Variants in INCENP observed in about 807,000 individuals in gnomAD.
INCENP encodes binds and activates aurora-B and -C in vivo and in vitro.
In INCENP, 43 loss-of-function variants were observed where a neutral mutation model predicts 107.3. That is an observed-to-expected ratio of 0.40 (90% CI 0.31 to 0.52). The LOEUF is 0.52. INCENP is among the 20% of genes least tolerant of loss of function. The pLI, the probability that INCENP is intolerant of heterozygous loss-of-function variation, is 0.53. For synonymous variants in INCENP, 488 were observed against 494.4 expected, an observed-to-expected ratio of 0.99 and a Z score of 0.17; for missense variants, 1,089 against 1,250.9, an observed-to-expected ratio of 0.87 and a Z score of 1.95.
rs1944055906 is a variant in INCENP at position 62,139,073 on chromosome 11, CCTT to C, written c.1291+71_1291+73del. ...GCGGGCCTTGGCGGCCTCGGCCTGA[CCTT>C]CTCTCTGGGGATAAGGAAGCCCCAT... On this transcript the variant is annotated intron_variant, in intron 7 of 18. Coordinates refer to ENST00000394818, the MANE Select transcript of INCENP (RefSeq NM_001040694.2). 4.6e-6 allele frequency: 5 copies of C among 1,095,454 alleles called. No homozygotes were observed. In the South Asian group the frequency reaches 5.0e-5, roughly 11 times the overall value. 67.9% of individuals were successfully genotyped at this position (1,095,454 alleles called of 1,614,324 possible).
At position 62,140,822 on chromosome 11, in the gene INCENP, G is replaced by A. The variant is rs913650066; in HGVS notation, c.1461+1G>A. The A allele has an allele frequency of 3.7e-6, 6 of 1,613,584 alleles. No individual in the cohort carries two copies. The highest frequency in any genetic ancestry group is 1.3e-5 in the African/African-American group (1 of 75,032). ...TTCCTCACCCTGCCCAGCCAGCAAG[G>A]TGAGCCAGGCACCTGCCCTCTCCTG... On this transcript the variant is annotated splice_donor_variant, in intron 9 of 18. Coordinates refer to ENST00000394818, the MANE Select transcript of INCENP (RefSeq NM_001040694.2). LOFTEE classifies it high-confidence loss of function.
Position 62,146,840 on chromosome 11 carries a change from G to A in INCENP, c.2142G>A (p.Glu714=), listed in dbSNP as rs1420741252. Residue 714 remains glutamate (E), a synonymous_variant, in exon 15 of 19, where the codon GAG becomes GAA. Coordinates refer to ENST00000394818, the MANE Select transcript of INCENP (RefSeq NM_001040694.2). ...AGCGGCGGGAGCAGGAGCGGCGCGA[G>A]CAGGAGCGACAGCTGGCAGAGCAGG... is the stretch of plus-strand genomic sequence containing the variant. ...EQERREQERR[E]QERQLAEQER... 1 of 1,561,934 alleles carries A rather than the reference G, an allele frequency of 6.4e-7. No individual in the cohort carries two copies. Among genetic ancestry groups the A allele is most frequent in the South Asian group, 1.2e-5 (1 of 86,094 alleles).
At chr11:62,126,136 G>T (rs1398146733) in intron 1 of INCENP, among the ~76,000 whole-genome samples, 1 of 152,094 alleles carries the variant, frequency 6.6e-6, no homozygotes, top group African/African-American at 2.4e-5. Flanking sequence ...GGGATCAAGG[G>T]GTCAGCAATT....
intron 15 of INCENP, among the ~76,000 whole-genome samples, chr11:62,147,827 T>C (rs995229840): frequency 3.9e-5 from 6 of 152,120 alleles, no homozygotes; most frequent in African/African-American, 1.4e-4. Flanking sequence ...GTGTAGCTAA[T>C]GTGCAGGGTG....
chr11:62,127,192 A>G (rs1158634824), intron 1 of INCENP, among the ~76,000 whole-genome samples: 1 of 152,054 alleles, frequency 6.6e-6, no homozygotes, highest in Non-Finnish European at 1.5e-5. Context: ...GCACACCACC[A>G]TGACCAGCTA....
chr11:62,131,751 G>A (rs888221460), intron 4 of INCENP, among the ~76,000 whole-genome samples: 3 of 151,956 alleles, frequency 2.0e-5, no homozygotes, highest in Admixed American at 1.3e-4. Context: ...GCAAAGCAGC[G>A]GATTGGTGGC....
At position 62,130,607 on chromosome 11, in the gene INCENP, G is replaced by T. The variant is rs773493967; in HGVS notation, c.1063+17G>T. 6.3e-7 allele frequency: 1 copy of T among 1,596,856 alleles called. No individual in the cohort carries two copies. Among genetic ancestry groups the T allele is most frequent in the Non-Finnish European group, 8.5e-7 (1 of 1,171,058 alleles). Reference sequence around the variant, plus strand: ...GCATCATCTGTGAGTCTGGGGGCTTGGCAGTGGCGGGTGGTCCTTGGTGCC... The same window carrying T: ...GCATCATCTGTGAGTCTGGGGGCTTTGCAGTGGCGGGTGGTCCTTGGTGCC... On this transcript the variant is annotated intron_variant, in intron 4 of 18. Transcript: ENST00000394818.
At position 62,130,137 on chromosome 11, in the gene INCENP, A is replaced by C; in HGVS notation, c.610A>C (p.Thr204Pro). ...RTLSPTPASA[T>P]APTSQGIPTS... ...TCTGTCCCCGACTCCAGCTTCAGCC[A>C]CAGCTCCAACCTCCCAGGGCATCCC... The change falls in exon 4 of 19, where the codon ACA (threonine) becomes CCA (proline). Residue 204 changes from threonine to proline, a missense_variant. Transcript: ENST00000394818. 1.2e-6 allele frequency: 2 copies of C among 1,613,796 alleles called. No homozygotes were observed. Among genetic ancestry groups the C allele is most frequent in the Non-Finnish European group, 1.7e-6 (2 of 1,180,016 alleles).
At chr11:62,126,180 G>A (rs1943743582) in intron 1 of INCENP, among the ~76,000 whole-genome samples, 1 of 145,528 alleles carries the variant, frequency 6.9e-6, no homozygotes, top group African/African-American at 2.5e-5. Context: ...CATTGTAGGT[G>A]GGAGGCTGAG....
chr11:62,148,248 G>A (rs1440146359), intron 15 of INCENP, among the ~76,000 whole-genome samples: 2 of 152,206 alleles, frequency 1.3e-5, no homozygotes, highest in Non-Finnish European at 2.9e-5. Flanking sequence ...AGGAAAAGTG[G>A]GGGCCAAATG....
At chr11:62,141,827 C>A in intron 11 of INCENP, 2 of 503,138 alleles carry the variant, frequency 4.0e-6, no homozygotes, top group South Asian at 4.4e-5. Flanking sequence ...CTGCACCAGG[C>A]CCCGTCAGGG....
Position 62,126,777 on chromosome 11 carries a change from A to G in INCENP, c.-11-1374A>G, listed in dbSNP as rs112719951. ...TAGTATTTGCATATAACCTACACACATCCTCCTGTATACTTTATATCTCTA... is the reference window on the plus strand; with the variant it reads ...TAGTATTTGCATATAACCTACACACGTCCTCCTGTATACTTTATATCTCTA... On this transcript the variant is annotated intron_variant, in intron 1 of 18. Coordinates refer to ENST00000394818, the MANE Select transcript of INCENP (RefSeq NM_001040694.2). 2.5e-3 allele frequency among the ~76,000 whole-genome samples: 377 copies of G among 151,978 alleles called. 1 individual carries two copies. The highest frequency in any genetic ancestry group is 8.8e-3 in the African/African-American group (363 of 41,398).
At chr11:62,150,531 C>G (rs1321974058) in intron 18 of INCENP, among the ~76,000 whole-genome samples, 1 of 152,204 alleles carries the variant, frequency 6.6e-6, no homozygotes, top group Non-Finnish European at 1.5e-5. Context: ...TCCCATCCAG[C>G]AGGGCTGAAG....
At chr11:62,133,769 GGTC>G (rs1943937109) in intron 4 of INCENP, among the ~76,000 whole-genome samples, 1 of 152,070 alleles carries the variant, frequency 6.6e-6, no homozygotes, top group South Asian at 2.1e-4. Flanking sequence ...CTTAAATGGG[GGTC>G]ATCACCACCC....
chr11:62,140,149 C>T (rs1263879137), intron 7 of INCENP, 85 bp from the exon 8 acceptor site: 54 of 1,194,416 alleles, frequency 4.5e-5, no homozygotes, highest in Admixed American at 3.3e-4. Flanking sequence ...GGCTGCTGCC[C>T]AAGGACCCCT....
intron 4 of INCENP, among the ~76,000 whole-genome samples, chr11:62,132,919 A>G (rs1169127999): frequency 6.6e-6 from 1 of 152,218 alleles, no homozygotes; most frequent in African/African-American, 2.4e-5. Flanking sequence ...TGAAATGGTG[A>G]TAACACTTGC....
chr11:62,129,236 C>A (rs757570722), intron 3 of INCENP, among the ~76,000 whole-genome samples: 2 of 152,012 alleles, frequency 1.3e-5, no homozygotes, highest in Non-Finnish European at 2.9e-5. Flanking sequence ...TTGTCCCAGC[C>A]GTCATATTGT....
chr11:62,140,165 CT>C, intron 7 of INCENP, 68 bp from the exon 8 acceptor site: 5 of 1,417,920 alleles, frequency 3.5e-6, no homozygotes, highest in Non-Finnish European at 5.0e-6. Context: ...CCCCTTCCCC[CT>C]ACACCCCCAT....
At chr11:62,127,320 C>T (rs1943773889) in intron 1 of INCENP, among the ~76,000 whole-genome samples, 1 of 152,158 alleles carries the variant, frequency 6.6e-6, no homozygotes, top group Non-Finnish European at 1.5e-5. Flanking sequence ...GGGTGTGAAC[C>T]ACTGCACCCG....
Sources: allele counts gnomAD v4.1 joint callset (sites outside exome capture counted in the v4.1 genomes callset), GRCh38; gene constraint gnomAD v4.1.1; transcripts MANE v1.5; gene names NCBI Gene and HGNC (gene_info 2026-07-23, HGNC 2026-07-21).